Variants in ULK2 observed in about 807,000 individuals in gnomAD.
ULK2 encodes unc-51 like autophagy activating kinase 2.
In ULK2, 76 loss-of-function variants were observed where a neutral mutation model predicts 127.5. That is an observed-to-expected ratio of 0.60 (90% confidence interval 0.50 to 0.72). The LOEUF is 0.72. Ranked by LOEUF, ULK2 falls within the 30% of genes least tolerant of loss-of-function variation. ULK2 has a pLI of 0.00. For synonymous variants in ULK2, 452 were observed against 461.9 expected, an observed-to-expected ratio of 0.98 and a Z score of 0.28; for missense variants, 1,144 against 1,295.9, an observed-to-expected ratio of 0.88 and a Z score of 1.80.
intron 13 of ULK2, among the ~76,000 whole-genome samples, chr17:19,812,468 T>C (rs1371665337): frequency 2.0e-5 from 3 of 152,202 alleles, no homozygotes; most frequent in Admixed American, 6.5e-5. Flanking sequence ...CTACCGAATA[T>C]CATGGCTAAG....
At chr17:19,836,609 A>G (rs2041603906) in intron 10 of ULK2, among the ~76,000 whole-genome samples, 1 of 151,858 alleles carries the variant, frequency 6.6e-6, no homozygotes, top group Non-Finnish European at 1.5e-5. Context: ...TCGTCTCGAA[A>G]AAACAAAACA....
At chr17:19,817,386 GA>G (rs2041017796) in intron 12 of ULK2, among the ~76,000 whole-genome samples, 1 of 152,122 alleles carries the variant, frequency 6.6e-6, no homozygotes, top group Admixed American at 6.5e-5. Flanking sequence ...GAAACCAAGA[GA>G]CCACATTATG....
At position 19,788,914 on chromosome 17, in the gene ULK2, G is replaced by T. The variant is rs533650143; in HGVS notation, c.2102-2828C>A. 2.0e-5 allele frequency among the ~76,000 whole-genome samples: 3 copies of T among 152,320 alleles called. No individual in the cohort carries two copies. The East Asian group carries it at 5.8e-4, about 29-fold the overall frequency. On this transcript the variant is annotated intron_variant, in intron 20 of 26. Transcript: ENST00000395544. ...GTCTTGCGGTTTGAGTGGCAGCTTA[G>T]CTGCAGTAGGATACAATACCAGGTA...
At chr17:19,834,880 G>A (rs553046621) in intron 10 of ULK2, among the ~76,000 whole-genome samples, 1 of 151,444 alleles carries the variant, frequency 6.6e-6, no homozygotes, top group African/African-American at 2.4e-5. Flanking sequence ...ACCGTACTTA[G>A]GCCTGGGTGC....
At chr17:19,826,435 A>C (rs568165864) in intron 10 of ULK2, among the ~76,000 whole-genome samples, 16 of 152,310 alleles carry the variant, frequency 1.1e-4, no homozygotes, top group Non-Finnish European at 1.0e-4. Context: ...CAAAACATCT[A>C]TCACCAGCAC....
intron 9 of ULK2, among the ~76,000 whole-genome samples, chr17:19,839,956 C>G (rs972120233): frequency 7.0e-6 from 1 of 143,748 alleles, no homozygotes; most frequent in East Asian, 2.3e-4. Context: ...CAAAGGAGTA[C>G]ACACACATAC....
intron 6 of ULK2, 68 bp downstream of exon 6, chr17:19,846,668 CA>C: frequency 7.2e-7 from 1 of 1,387,666 alleles, no homozygotes; most frequent in Non-Finnish European, 9.6e-7. Flanking sequence ...CATCATTCAA[CA>C]AAGCTAAAGT....
rs1042199861 is a variant in ULK2 at position 19,776,496 on chromosome 17, T to C, written c.3053-89A>G. 6 of 1,162,550 alleles carry C rather than the reference T, an allele frequency of 5.2e-6. No individual in the cohort carries two copies. The African/African-American group carries it at 9.6e-5, about 19-fold the overall frequency. The allele number at this position is 1,162,550 out of a possible 1,614,324, so 72.0% of individuals were successfully genotyped here. A position where few individuals can be genotyped will look rare whatever the true frequency, so the allele number is the denominator to read the frequency against. ...CTATCTTTGCCCCAAAGTTAACAGT[T>C]CTGAATATGTTTTCTTCTTTCTGCT... is the stretch of plus-strand genomic sequence containing the variant. On this transcript the variant is annotated intron_variant, in intron 26 of 26. Transcript: ENST00000395544.
Position 19,799,577 on chromosome 17 carries a change from T to TCC in ULK2, c.1442-3_1442-2insGG. On this transcript the variant is annotated splice_region_variant and splice_polypyrimidine_tract_variant and intron_variant, in intron 16 of 26. Transcript: ENST00000395544. ...TGAATTGCTCAGGAATGGTACCAAC[T>TCC]ACAAAAAAAAAAAAAAAAAAGATGG... The TCC allele has an allele frequency of 1.1e-6, 1 of 936,398 alleles. No individual in the cohort carries two copies. The highest frequency in any genetic ancestry group is 3.0e-5 in the South Asian group (1 of 33,038). 58.0% of individuals were successfully genotyped at this position (936,398 alleles called of 1,614,324 possible). A position where few individuals can be genotyped will look rare whatever the true frequency, so the allele number is the denominator to read the frequency against.
Position 19,797,275 on chromosome 17 carries a change from C to T in ULK2, c.1809+121G>A, listed in dbSNP as rs529502867. 191 of 1,160,660 alleles carry T rather than the reference C, an allele frequency of 1.6e-4. 1 individual carries two copies. The highest frequency in any genetic ancestry group is 8.6e-4 in the South Asian group (48 of 56,114). 71.9% of individuals were successfully genotyped at this position (1,160,660 alleles called of 1,614,324 possible). ...TTGTGCCACTGCACTCCAGCCTGGG[C>T]GACAAAGCAAGACTCTGTCTCAAAA... is the stretch of plus-strand genomic sequence containing the variant. On this transcript the variant is annotated intron_variant, in intron 18 of 26. Coordinates refer to ENST00000395544, the MANE Select transcript of ULK2 (RefSeq NM_014683.4).
intron 13 of ULK2, chr17:19,811,177 G>C (rs1473604514): frequency 6.6e-6 from 1 of 152,132 alleles, no homozygotes. Context: ...GCAGGGCAAA[G>C]GGGAAGTCCA....
At chr17:19,852,044 CAAAAAA>C (rs201031615) in intron 3 of ULK2, among the ~76,000 whole-genome samples, 2 of 49,162 alleles carry the variant, frequency 4.1e-5, no homozygotes, top group African/African-American at 1.4e-4. Context: ...GACTCCATCT[CAAAAAA>C]AAAAAAAAAA....
Position 19,771,278 on chromosome 17 carries a change from T to C in ULK2, c.*5071A>G, listed in dbSNP as rs369608111. ...ATCTGTAAAAGGAGGCAAGTAAGGGTTGGTATGAGGATCAAATGAATTAAC... is the reference window on the plus strand; with the variant it reads ...ATCTGTAAAAGGAGGCAAGTAAGGGCTGGTATGAGGATCAAATGAATTAAC... On this transcript the variant is annotated 3_prime_UTR_variant, in exon 27 of 27. Coordinates refer to ENST00000395544, the MANE Select transcript of ULK2 (RefSeq NM_014683.4). The C allele has an allele frequency of 1.3e-5, 2 of 152,174 alleles. No homozygotes were observed. Among genetic ancestry groups the C allele is most frequent in the African/African-American group, 4.8e-5 (2 of 41,530 alleles). 9.4% of individuals were successfully genotyped at this position (152,174 alleles called of 1,614,324 possible). A position where few individuals can be genotyped will look rare whatever the true frequency, so the allele number is the denominator to read the frequency against.
At chr17:19,814,435 TATA>T (rs1331152091) in intron 13 of ULK2, among the ~76,000 whole-genome samples, 5,937 of 29,256 alleles carry the variant, frequency 0.2, 140 homozygotes, top group Non-Finnish European at 0.25. Context: ...TATATATATA[TATA>T]TTTTTTTTTT....
chr17:19,853,689 A>G (rs1196961723), intron 3 of ULK2, among the ~76,000 whole-genome samples: 2 of 151,620 alleles, frequency 1.3e-5, no homozygotes, highest in Non-Finnish European at 2.9e-5. Context: ...CTCCTGCCTC[A>G]GCCTCCCGAG....
At chr17:19,833,889 T>A (rs1273862485) in intron 10 of ULK2, among the ~76,000 whole-genome samples, 5 of 152,128 alleles carry the variant, frequency 3.3e-5, no homozygotes, top group African/African-American at 1.2e-4. Context: ...AGGGACAGAA[T>A]GAATATTTTA....
chr17:19,838,595 G>C lies in ULK2; in HGVS notation c.705-12C>G. ...TTTCTCTGGGAATACTGGGGGAAAG[G>C]AAAAACACAACCACCTAAGTGATAA... is the stretch of plus-strand genomic sequence containing the variant. On this transcript the variant is annotated splice_polypyrimidine_tract_variant and intron_variant, in intron 9 of 26. Transcript: ENST00000395544. The C allele has an allele frequency of 6.2e-7, 1 of 1,606,062 alleles. No homozygotes were observed. Among genetic ancestry groups the C allele is most frequent in the Non-Finnish European group, 8.5e-7 (1 of 1,176,368 alleles).
At chr17:19,826,486 G>A (rs1325630109) in intron 10 of ULK2, among the ~76,000 whole-genome samples, 1 of 152,016 alleles carries the variant, frequency 6.6e-6, no homozygotes, top group Non-Finnish European at 1.5e-5. Context: ...GTTCTCTAAC[G>A]TATGCCACCC....
chr17:19,785,793 A>G, intron 21 of ULK2, 144 bp downstream of exon 21: 3 of 1,026,748 alleles, frequency 2.9e-6, no homozygotes, highest in Non-Finnish European at 3.9e-6. Flanking sequence ...TAAGATAAAG[A>G]AAATAGTAAT....
Sources: allele counts gnomAD v4.1 joint callset (sites outside exome capture counted in the v4.1 genomes callset), GRCh38; gene constraint gnomAD v4.1.1; transcripts MANE v1.5; gene names NCBI Gene and HGNC (gene_info 2026-07-23, HGNC 2026-07-21).